ZNF483: variants seen among roughly 807,000 people sequenced by gnomAD.
ZNF483 encodes the protein zinc finger protein 483.
Under a neutral mutation model 28.6 loss-of-function variants are expected in ZNF483, and 9 were observed. The observed-to-expected ratio is 0.32, with a 90% CI of 0.19 to 0.55. The LOEUF (loss-of-function observed/expected upper bound fraction) is 0.55, where lower values mean the gene tolerates loss of function less well. Ranked by LOEUF, ZNF483 falls within the 20% of genes least tolerant of loss-of-function variation. ZNF483 has a pLI of 0.93. For synonymous variants in ZNF483, 322 were observed against 306.2 expected (o/e 1.05, Z -0.54); for missense variants, 675 against 871.7 (o/e 0.77, Z 2.84).
At chr9:111,528,090 A>G (rs774957113) in intron 2 of ZNF483, 6 of 1,304,988 alleles carry the variant, frequency 4.6e-6, no homozygotes, top group Non-Finnish European at 5.1e-6. Flanking sequence ...CTCAAGAAAT[A>G]GTAATTTCTT....
exon 6 of ZNF483, chr9:111,576,428 C>T: frequency 1.2e-6 from 2 of 1,614,036 alleles, no homozygotes; most frequent in Non-Finnish European, 1.7e-6. Flanking sequence ...CATGCTCTGC[C>T]TTCTTGTTTC....
intron 5 of ZNF483, among the ~76,000 whole-genome samples, chr9:111,561,984 C>A (rs1306415447): frequency 6.6e-6 from 1 of 150,464 alleles, no homozygotes; most frequent in African/African-American, 2.4e-5. Context: ...CTCCTGGGCT[C>A]AAGCGATTTT....
At chr9:111,562,877 T>C (rs1828373190) in intron 5 of ZNF483, 1 of 1,179,640 alleles carries the variant, frequency 8.5e-7, no homozygotes, top group African/African-American at 1.5e-5. Context: ...TTCAAAGCCA[T>C]TATTTTCTAC....
Position 111,549,116 on chromosome 9 carries a change from C to T in ZNF483, c.*5946C>T, listed in dbSNP as rs1163825876. On this transcript the variant is annotated 3_prime_UTR_variant, in exon 6 of 6. Coordinates refer to ENST00000309235, the MANE Select transcript of ZNF483 (RefSeq NM_133464.5). Reference sequence around the variant, plus strand: ...GTAGAGTGGTTTATTGCTTTATTATCAGTGCAATAGAGAGTCACTGAGTCA... The same window carrying T: ...GTAGAGTGGTTTATTGCTTTATTATTAGTGCAATAGAGAGTCACTGAGTCA... 6.6e-6 allele frequency among the ~76,000 whole-genome samples: 1 copy of T among 152,062 alleles called. No homozygotes were observed. Among genetic ancestry groups the T allele is most frequent in the Non-Finnish European group, 1.5e-5 (1 of 68,016 alleles).
chr9:111,533,994 CCT>C, intron 4 of ZNF483, 129 bp downstream of exon 4: 3 of 1,150,998 alleles, frequency 2.6e-6, no homozygotes, highest in Non-Finnish European at 3.7e-6. Context: ...TAGGACTAAT[CCT>C]AAAAACTGGT....
chr9:111,534,177 G>T lies in ZNF483; in HGVS notation c.629-84G>T, dbSNP rs551324823. On this transcript the variant is annotated intron_variant, in intron 4 of 5. Coordinates refer to ENST00000309235, the MANE Select transcript of ZNF483 (RefSeq NM_133464.5). ...TTGGTAGCATGTTTTTATCTTCCTT[G>T]GAGAACCAGAGGCTATATGTGAATG... 67 of 1,170,716 alleles carry T rather than the reference G, an allele frequency of 5.7e-5. No individual in the cohort carries two copies. In the African/African-American group the frequency reaches 8.6e-4, roughly 15 times the overall value. 72.5% of individuals were successfully genotyped at this position (1,170,716 alleles called of 1,614,324 possible).
At chr9:111,570,096 A>T (rs1828742434) in intron 5 of ZNF483, 1 of 1,614,132 alleles carries the variant, frequency 6.2e-7, no homozygotes, top group African/African-American at 1.3e-5. Context: ...CTTACCTCTA[A>T]GACCCATTTC....
intron 5 of ZNF483, among the ~76,000 whole-genome samples, chr9:111,541,420 G>A (rs1827668164): frequency 6.6e-6 from 1 of 152,146 alleles, no homozygotes; most frequent in Non-Finnish European, 1.5e-5. Context: ...AAATGAGGGT[G>A]AGAACTTGCA....
At chr9:111,559,169 C>T (rs1416179956), downstream of ZNF483, among the ~76,000 whole-genome samples, 2 of 152,132 alleles carry the variant, frequency 1.3e-5, no homozygotes, top group Admixed American at 6.5e-5. Context: ...GGGATCCAAC[C>T]GCCCATACCA....
intron 5 of ZNF483, chr9:111,562,695 A>AC (rs1564608848): frequency 6.3e-6 from 1 of 158,046 alleles, no homozygotes; most frequent in Non-Finnish European, 1.4e-5. Context: ...TCAACCCATC[A>AC]CCTAGGTATT....
At chr9:111,527,892 C>G (rs1002539141) in intron 2 of ZNF483, 85 bp downstream of exon 2, 1 of 1,605,232 alleles carries the variant, frequency 6.2e-7, no homozygotes, top group Non-Finnish European at 8.5e-7. Flanking sequence ...CAATTTACTG[C>G]TAAAGAGGAG....
chr9:111,558,699 T>A (rs1828192653), downstream of ZNF483, among the ~76,000 whole-genome samples: 1 of 152,184 alleles, frequency 6.6e-6, no homozygotes, highest in Admixed American at 6.5e-5. Flanking sequence ...GTTATATATA[T>A]ATGTGCACAC....
At chr9:111,568,891 G>A (rs555180255) in intron 5 of ZNF483, among the ~76,000 whole-genome samples, 5 of 152,320 alleles carry the variant, frequency 3.3e-5, no homozygotes, top group South Asian at 2.1e-4. Flanking sequence ...AGGGAGGTGG[G>A]AGAAGTGTTC....
chr9:111,545,241 CTTG>C lies in ZNF483; in HGVS notation c.*2076_*2078del, dbSNP rs1008633203. On this transcript the variant is annotated 3_prime_UTR_variant, in exon 6 of 6. Coordinates refer to ENST00000309235, the MANE Select transcript of ZNF483 (RefSeq NM_133464.5). ...AGTTTTTTTCTGAAAAGACAGAAAA[CTTG>C]TTGTAAGTTTTGTTTTCTGAAAAAT... 9.2e-5 allele frequency among the ~76,000 whole-genome samples: 14 copies of C among 152,048 alleles called. No individual in the cohort carries two copies. The highest frequency in any genetic ancestry group is 2.1e-4 in the South Asian group (1 of 4,828).
In ZNF483 at chr9:111,546,473, A is replaced by G. The variant is rs549532585; in HGVS notation, c.*3303A>G. ...ACTTTTGGATTAAGTCAGATTATCAAAAGGCTTTAAACGTCTTTTGATTCA... is the reference window on the plus strand; with the variant it reads ...ACTTTTGGATTAAGTCAGATTATCAGAAGGCTTTAAACGTCTTTTGATTCA... On this transcript the variant is annotated 3_prime_UTR_variant, in exon 6 of 6. Transcript: ENST00000309235. 6.6e-6 allele frequency among the ~76,000 whole-genome samples: 1 copy of G among 152,258 alleles called. No individual in the cohort carries two copies. Among genetic ancestry groups the G allele is most frequent in the South Asian group, 2.1e-4 (1 of 4,826 alleles).
intron 1 of ZNF483, among the ~76,000 whole-genome samples, chr9:111,526,900 G>A (rs1827196174): frequency 6.6e-6 from 1 of 152,132 alleles, no homozygotes; most frequent in African/African-American, 2.4e-5. Flanking sequence ...AGGAGTTCAA[G>A]ACTAGCCTGG....
At position 111,549,629 on chromosome 9, in the gene ZNF483, G is replaced by T; in HGVS notation, c.*6459G>T. ...TAAACCTACCTGTAGCTCTTCTGGGGCAGCGGTCGTGGTGGTGGTGGCAGC... is the reference window on the plus strand; with the variant it reads ...TAAACCTACCTGTAGCTCTTCTGGGTCAGCGGTCGTGGTGGTGGTGGCAGC... On this transcript the variant is annotated 3_prime_UTR_variant, in exon 6 of 6. Transcript: ENST00000309235. 1 of 1,067,812 alleles carries T rather than the reference G, an allele frequency of 9.4e-7. No individual in the cohort carries two copies. Among genetic ancestry groups the T allele is most frequent in the Non-Finnish European group, 1.4e-6 (1 of 733,720 alleles). The allele number at this position is 1,067,812 out of a possible 1,614,324, so 66.1% of individuals were successfully genotyped here. A position where few individuals can be genotyped will look rare whatever the true frequency, so the allele number is the denominator to read the frequency against.
At position 111,553,130 on chromosome 9, in the gene ZNF483, T is replaced by C. The variant is rs1256960717; in HGVS notation, c.*9960T>C. On this transcript the variant is annotated 3_prime_UTR_variant, in exon 6 of 6. Coordinates refer to ENST00000309235, the MANE Select transcript of ZNF483 (RefSeq NM_133464.5). ...TGACTTACACTCACTAAATGGTTGC[T>C]AAAAATTACATGTCTTAAATATTGT... Among the ~76,000 whole-genome samples the C allele has an allele frequency of 6.6e-6, 1 of 152,232 alleles. No individual in the cohort carries two copies. The highest frequency in any genetic ancestry group is 2.4e-5 in the African/African-American group (1 of 41,468).
chr9:111,546,048 T>C lies in ZNF483; in HGVS notation c.*2878T>C, dbSNP rs1589278195. On this transcript the variant is annotated 3_prime_UTR_variant, in exon 6 of 6. Coordinates refer to ENST00000309235, the MANE Select transcript of ZNF483 (RefSeq NM_133464.5). The stretch of plus-strand genomic sequence containing the variant: ...TAATGTGTGGGGCTTCCCATTTCTC[T>C]ACAGTCTTGCCAGTCATTGTTGTCT... Among the ~76,000 whole-genome samples the C allele has an allele frequency of 6.6e-6, 1 of 152,202 alleles. No individual in the cohort carries two copies. The highest frequency in any genetic ancestry group is 2.4e-5 in the African/African-American group (1 of 41,468).
Sources: allele counts gnomAD v4.1 joint callset (sites outside exome capture counted in the v4.1 genomes callset), GRCh38; gene constraint gnomAD v4.1.1; transcripts MANE v1.5; gene names NCBI Gene and HGNC (gene_info 2026-07-23, HGNC 2026-07-21).